AGBL1: variants seen among roughly 807,000 people sequenced by gnomAD.
The protein encoded by AGBL1 is cytosolic carboxypeptidase 4.
Under a neutral mutation model 118.9 loss-of-function variants are expected in AGBL1, and 130 were observed. The observed-to-expected ratio is 1.09, with a 90% CI of 0.95 to 1.26. The LOEUF is 1.26. Among genes scored for constraint, AGBL1 ranks in the 50% most tolerant of loss-of-function variants. The pLI is 0.00. For missense variants in AGBL1, 1,584 were observed against 1,298.1 expected, an observed-to-expected ratio of 1.22 and a Z score of -3.38; for synonymous variants, 555 against 478.9, an observed-to-expected ratio of 1.16 and a Z score of -2.08.
intron 22 of AGBL1, among the ~76,000 whole-genome samples, chr15:86,844,740 T>C (rs981670742): frequency 1.2e-4 from 19 of 152,272 alleles, no homozygotes; most frequent in African/African-American, 4.6e-4. Context: ...ATTTTAATCT[T>C]ATATATCATG....
chr15:86,880,445 T>C (rs1218346640), intron 22 of AGBL1, among the ~76,000 whole-genome samples: 1 of 152,162 alleles, frequency 6.6e-6, no homozygotes, highest in Non-Finnish European at 1.5e-5. Context: ...GAACAATTGC[T>C]TATGTCAGGA....
chr15:86,504,622 A>G (rs774918696), intron 18 of AGBL1, among the ~76,000 whole-genome samples: 12 of 151,616 alleles, frequency 7.9e-5, no homozygotes, highest in Non-Finnish European at 1.8e-4. Context: ...GATATATAAC[A>G]ATCTAGTCAG....
At chr15:86,145,934 T>C (rs916762280) in intron 3 of AGBL1, among the ~76,000 whole-genome samples, 9 of 152,116 alleles carry the variant, frequency 5.9e-5, no homozygotes, top group East Asian at 1.9e-4. Context: ...AGAGGTGACA[T>C]TGGAGCTAAA....
At chr15:86,397,039 A>G (rs142600736) in intron 17 of AGBL1, among the ~76,000 whole-genome samples, 35 of 152,318 alleles carry the variant, frequency 2.3e-4, no homozygotes, top group Non-Finnish European at 4.4e-4. Context: ...CCACAGAGGA[A>G]GATAGAAAAT....
At chr15:86,300,270 G>C (rs1338834945) in intron 17 of AGBL1, among the ~76,000 whole-genome samples, 1 of 152,004 alleles carries the variant, frequency 6.6e-6, no homozygotes, top group Non-Finnish European at 1.5e-5. Flanking sequence ...CATTCTAAAT[G>C]ACCATTTTAG....
At chr15:86,198,159 A>G (rs143603617) in intron 5 of AGBL1, among the ~76,000 whole-genome samples, 115 of 152,278 alleles carry the variant, frequency 7.6e-4, no homozygotes, top group Admixed American at 1.2e-3. Context: ...GGTTTGGAAC[A>G]TGCTTGGGAC....
intron 22 of AGBL1, among the ~76,000 whole-genome samples, chr15:86,823,034 G>A (rs1029623319): frequency 3.3e-5 from 5 of 152,128 alleles, no homozygotes; most frequent in Non-Finnish European, 5.9e-5. Flanking sequence ...CTCAATAGAT[G>A]GCTTTTGTTA....
intron 21 of AGBL1, among the ~76,000 whole-genome samples, chr15:86,657,477 CTG>C (rs901511527): frequency 1.3e-5 from 2 of 152,250 alleles, no homozygotes; most frequent in South Asian, 2.1e-4. Flanking sequence ...AGAAAATACT[CTG>C]TGTGTGTTTG....
chr15:87,017,165 C>T (rs2081615246), intron 24 of AGBL1, among the ~76,000 whole-genome samples: 1 of 152,156 alleles, frequency 6.6e-6, no homozygotes, highest in Non-Finnish European at 1.5e-5. Flanking sequence ...AGAGGGGTGG[C>T]TGCCATTCTG....
chr15:86,247,649 C>T, intron 6 of AGBL1, 22 bp from the exon 7 acceptor site: 3 of 1,576,294 alleles, frequency 1.9e-6, no homozygotes, highest in Non-Finnish European at 2.6e-6. Flanking sequence ...GTGACTGACC[C>T]TGCCTTTCCC....
intron 5 of AGBL1, among the ~76,000 whole-genome samples, chr15:86,198,754 A>G (rs1294612111): frequency 6.6e-6 from 1 of 152,064 alleles, no homozygotes; most frequent in Non-Finnish European, 1.5e-5. Context: ...TGCTGTCTGC[A>G]AGCCAAGAAG....
At chr15:86,210,429 C>T (rs1000649178) in intron 5 of AGBL1, among the ~76,000 whole-genome samples, 1 of 152,218 alleles carries the variant, frequency 6.6e-6, no homozygotes, top group Non-Finnish European at 1.5e-5. Flanking sequence ...TGGTTTCATT[C>T]TCCCTGTCAC....
chr15:86,888,258 G>C (rs562276977), intron 22 of AGBL1, among the ~76,000 whole-genome samples: 1 of 151,914 alleles, frequency 6.6e-6, no homozygotes, highest in African/African-American at 2.4e-5. Context: ...GATTGTATCA[G>C]AAGTGACCTG....
At chr15:86,641,405 A>ATTT (rs142985515) in intron 21 of AGBL1, among the ~76,000 whole-genome samples, 36 of 151,216 alleles carry the variant, frequency 2.4e-4, no homozygotes, top group African/African-American at 7.8e-4. Flanking sequence ...CTACCACTCA[A>ATTT]TTTTTTTTAA....
At chr15:86,534,117 A>G (rs1014386754) in intron 19 of AGBL1, among the ~76,000 whole-genome samples, 18 of 150,054 alleles carry the variant, frequency 1.2e-4, no homozygotes, top group African/African-American at 4.4e-4. Flanking sequence ...TATAATAAAA[A>G]AAAAAAAAAA....
chr15:86,348,829 G>T (rs989851722), intron 17 of AGBL1, among the ~76,000 whole-genome samples: 2 of 150,548 alleles, frequency 1.3e-5, no homozygotes, highest in Admixed American at 1.3e-4. Flanking sequence ...GTGGGTTAAG[G>T]CCAGGTATCT....
chr15:86,763,880 G>A (rs1468107314), intron 22 of AGBL1, among the ~76,000 whole-genome samples: 3 of 152,052 alleles, frequency 2.0e-5, no homozygotes, highest in South Asian at 4.1e-4. Context: ...GAATAGTTGA[G>A]CTTATTGTAA....
chr15:86,788,111 A>G (rs1054230712), intron 22 of AGBL1, among the ~76,000 whole-genome samples: 6 of 152,174 alleles, frequency 3.9e-5, no homozygotes, highest in Non-Finnish European at 8.8e-5. Flanking sequence ...CCGGAGGGAA[A>G]AGAACAGGAT....
chr15:86,685,839 C>G (rs750012452), intron 22 of AGBL1, among the ~76,000 whole-genome samples: 2 of 152,040 alleles, frequency 1.3e-5, no homozygotes, highest in Non-Finnish European at 2.9e-5. Flanking sequence ...ATTCATAAAA[C>G]AGTTTCCAGG....
Sources: allele counts gnomAD v4.1 joint callset (sites outside exome capture counted in the v4.1 genomes callset), GRCh38; gene constraint gnomAD v4.1.1; transcripts MANE v1.5; gene names NCBI Gene and HGNC (gene_info 2026-07-23, HGNC 2026-07-21).